ANKRD61: variants seen among roughly 807,000 people sequenced by gnomAD.
The protein encoded by ANKRD61 is ankyrin repeat domain 61, also known as ankyrin repeat domain-containing protein 61.
A neutral mutation model predicts 8.4 loss-of-function variants in ANKRD61; 7 were observed. The ratio of observed to expected loss-of-function variants is 0.84; its 90% confidence interval spans 0.48 to 1.57. The LOEUF (loss-of-function observed/expected upper bound fraction) is 1.57, where lower values mean the gene tolerates loss of function less well. Ranked by LOEUF, ANKRD61 falls within the 40% of genes most tolerant of loss-of-function variation. The pLI, the probability that ANKRD61 is intolerant of heterozygous loss-of-function variation, is 0.00. For missense variants in ANKRD61, 516 were observed against 523.4 expected, an observed-to-expected ratio of 0.99 and a Z score of 0.14; for synonymous variants, 198 against 208.0, an observed-to-expected ratio of 0.95 and a Z score of 0.41.
Position 6,033,093 on chromosome 7 carries a change from C to T in ANKRD61, c.314+157C>T, listed in dbSNP as rs911845903. 2.0e-5 allele frequency among the ~76,000 whole-genome samples: 3 copies of T among 152,120 alleles called. No individual in the cohort carries two copies. The highest frequency in any genetic ancestry group is 2.9e-5 in the Non-Finnish European group (2 of 68,018). Reference sequence around the variant, plus strand: ...AAGAGCTTCTCCCACCTCAGCCTCCCGAGTAGCTGGGATTACAGGTGTGCG... The same window carrying T: ...AAGAGCTTCTCCCACCTCAGCCTCCTGAGTAGCTGGGATTACAGGTGTGCG... On this transcript the variant is annotated intron_variant, in intron 2 of 2. Coordinates refer to ENST00000409061, the MANE Select transcript of ANKRD61 (RefSeq NM_001271700.2). The surrounding 1 kb of genome is among the most constrained non-coding windows in gnomAD (Gnocchi z 4.4).
In ANKRD61 at chr7:6,036,305, C is replaced by G; in HGVS notation, c.1176C>G (p.Tyr392Ter). The change falls in exon 3 of 3, where the codon TAC (tyrosine) becomes TAG (stop). Residue 392 changes from tyrosine (Y) to a stop codon, truncating the protein, a stop_gained. Transcript: ENST00000409061. LOFTEE classifies it low-confidence loss of function (END_TRUNC). This position sits in a 1 kb window ranked among gnomAD's most constrained non-coding sequence, Gnocchi z 4.6. ...TCAGGAATATTTATGGTGAGAAATACAAACAGCACTTGAAGCAATTCCTCC... is the reference window on the plus strand; with the variant it reads ...TCAGGAATATTTATGGTGAGAAATAGAAACAGCACTTGAAGCAATTCCTCC... ...RNIRNIYGEK[Y>*]KQHLKQFLPV... 2.6e-6 allele frequency: 4 copies of G among 1,547,680 alleles called. No individual in the cohort carries two copies. Among genetic ancestry groups the G allele is most frequent in the Non-Finnish European group, 3.5e-6 (4 of 1,146,196 alleles).
chr7:6,035,450 G>T lies in ANKRD61; in HGVS notation c.321G>T (p.Thr107=). 1 of 1,549,972 alleles carries T rather than the reference G, an allele frequency of 6.5e-7. No individual in the cohort carries two copies. Among genetic ancestry groups the T allele is most frequent in the South Asian group, 1.2e-5 (1 of 84,002 alleles). The change falls in exon 3 of 3, where the codon ACG becomes ACT. Residue 107 remains threonine (T), a synonymous_variant. Transcript: ENST00000409061. This position sits in a 1 kb window ranked among gnomAD's most constrained non-coding sequence, Gnocchi z 5.5. ...RHGADPEVRD[T]TGLTTLNLML... ...TAATCAATACCCATTCTAGGGACACGACAGGCCTCACCACACTCAACTTAA... is the reference window on the plus strand; with the variant it reads ...TAATCAATACCCATTCTAGGGACACTACAGGCCTCACCACACTCAACTTAA...
chr7:6,031,530 C>T lies in ANKRD61; in HGVS notation c.155C>T (p.Pro52Leu), dbSNP rs576553747. The T allele has an allele frequency of 6.4e-7, 1 of 1,550,754 alleles. No individual in the cohort carries two copies. The highest frequency in any genetic ancestry group is 1.4e-5 in the African/African-American group (1 of 73,154). ...TTIEVLLRNH[P>L]VNQPITILPN... ...ATCGAGGTACTCCTGAGAAATCACCCTGTCAACCAGCCCATCACCATTCTG... is the reference window on the plus strand; with the variant it reads ...ATCGAGGTACTCCTGAGAAATCACCTTGTCAACCAGCCCATCACCATTCTG... Residue 52 changes from proline to leucine, a missense_variant, in exon 1 of 3, where the codon CCT becomes CTT. By Grantham distance (98) the Pro-to-Leu change is moderately conservative (BLOSUM62 -3). Transcript: ENST00000409061.
At position 6,032,299 on chromosome 7, in the gene ANKRD61, C is replaced by G. The variant is rs1787936284; in HGVS notation, c.217-540C>G. 6.6e-6 allele frequency among the ~76,000 whole-genome samples: 1 copy of G among 152,174 alleles called. No individual in the cohort carries two copies. The highest frequency in any genetic ancestry group is 1.5e-5 in the Non-Finnish European group (1 of 68,044). On this transcript the variant is annotated intron_variant, in intron 1 of 2. Coordinates refer to ENST00000409061, the MANE Select transcript of ANKRD61 (RefSeq NM_001271700.2). The surrounding 1 kb of genome is among the most constrained non-coding windows in gnomAD (Gnocchi z 4.3). ...AAAGGAAGTCACCCTCCCTTGTACC[C>G]TACTGTCTTATCTTGCAGCCACGGT... is the stretch of plus-strand genomic sequence containing the variant.
Position 6,035,914 on chromosome 7 carries a change from G to C in ANKRD61, c.785G>C (p.Arg262Pro). Residue 262 changes from arginine (R) to proline (P), a missense_variant, in exon 3 of 3, where the codon CGT becomes CCT. Transcript: ENST00000409061. This position sits in a 1 kb window ranked among gnomAD's most constrained non-coding sequence, Gnocchi z 5.5. ...CTCGGGGCGGGGGTCAGCTGCATCC[G>C]TCTGCTACTCACTCACGGAGCCAAA... ...RLLGAGVSCI[R>P]LLLTHGAKVN... The C allele has an allele frequency of 1.3e-6, 2 of 1,547,012 alleles. No homozygotes were observed. Among genetic ancestry groups the C allele is most frequent in the East Asian group, 2.4e-5 (1 of 40,864 alleles).
In ANKRD61 at chr7:6,032,769, G is replaced by A. The variant is rs748181404; in HGVS notation, c.217-70G>A. The stretch of plus-strand genomic sequence containing the variant: ...AAATAAATGTATTGCCTTTGAAACG[G>A]CAAGCTAACACAAACAGTATTTTTA... On this transcript the variant is annotated intron_variant, in intron 1 of 2. Transcript: ENST00000409061. This position sits in a 1 kb window ranked among gnomAD's most constrained non-coding sequence, Gnocchi z 4.3. 9.2e-6 allele frequency: 12 copies of A among 1,301,622 alleles called. No homozygotes were observed. Among genetic ancestry groups the A allele is most frequent in the Non-Finnish European group, 1.2e-5 (11 of 930,874 alleles). The allele number at this position is 1,301,622 out of a possible 1,614,324, so 80.6% of individuals were successfully genotyped here. A position where few individuals can be genotyped will look rare whatever the true frequency, so the allele number is the denominator to read the frequency against.
Position 6,035,828 on chromosome 7 carries a change from C to T in ANKRD61, c.699C>T (p.Ser233=). 1.3e-6 allele frequency: 2 copies of T among 1,549,164 alleles called. No homozygotes were observed. The highest frequency in any genetic ancestry group is 1.7e-6 in the Non-Finnish European group (2 of 1,145,770). ...YGANVNCAVS[S]TGNTPLKLAV... ...CAAACGTCAACTGTGCTGTCTCTTCCACGGGGAACACGCCCCTGAAGCTTG... is the reference window on the plus strand; with the variant it reads ...CAAACGTCAACTGTGCTGTCTCTTCTACGGGGAACACGCCCCTGAAGCTTG... Residue 233 remains serine (S), a synonymous_variant, in exon 3 of 3, where the codon TCC becomes TCT. Transcript: ENST00000409061. This position sits in a 1 kb window ranked among gnomAD's most constrained non-coding sequence, Gnocchi z 5.5.
Position 6,035,748 on chromosome 7 carries a change from A to G in ANKRD61, c.619A>G (p.Met207Val), listed in dbSNP as rs1263528332. The G allele has an allele frequency of 6.4e-7, 1 of 1,550,950 alleles. No homozygotes were observed. The highest frequency in any genetic ancestry group is 8.7e-7 in the Non-Finnish European group (1 of 1,147,108). Residue 207 changes from methionine to valine, a missense_variant, in exon 3 of 3, where the codon ATG becomes GTG. Transcript: ENST00000409061. This position sits in a 1 kb window ranked among gnomAD's most constrained non-coding sequence, Gnocchi z 5.5. ...TGAAGCCAGCATGACACCCCTTCAC[A>G]TGGCCGCAAACATGCTGAATAAGGA... ...INEASMTPLHMAANMLNKEMM... is the reference protein window; with the variant it reads ...INEASMTPLHVAANMLNKEMM...
rs1787926427 is a variant in ANKRD61, at chr7:6,032,029, C to G, written c.216+438C>G. Among the ~76,000 whole-genome samples the G allele has an allele frequency of 6.6e-6, 1 of 152,042 alleles. No homozygotes were observed. The highest frequency in any genetic ancestry group is 2.1e-4 in the South Asian group (1 of 4,824). On this transcript the variant is annotated intron_variant, in intron 1 of 2. Transcript: ENST00000409061. This position sits in a 1 kb window ranked among gnomAD's most constrained non-coding sequence, Gnocchi z 4.3. The stretch of plus-strand genomic sequence containing the variant: ...TCTCTACTAAAAATACAAAAATTAG[C>G]CGGGCTTGGTGGCAGGAGCCTGTAA...
Position 6,036,185 on chromosome 7 carries a change from A to G in ANKRD61, c.1056A>G (p.Ala352=), listed in dbSNP as rs1409427220. The change falls in exon 3 of 3, where the codon GCA becomes GCG. Residue 352 remains alanine (A), a synonymous_variant. Transcript: ENST00000409061. The surrounding 1 kb of genome is among the most constrained non-coding windows in gnomAD (Gnocchi z 4.6). ...RMTNNQGILP[A]GIMLPEFRLL... is the part of the protein sequence containing the mutation. ...CCAATAACCAAGGAATTCTACCTGC[A>G]GGAATCATGCTACCAGAATTCCGCC... 5 of 1,549,804 alleles carry G rather than the reference A, an allele frequency of 3.2e-6. No homozygotes were observed. In the South Asian group the frequency reaches 6.0e-5, roughly 18 times the overall value.
chr7:6,035,716 C>CT lies in ANKRD61; in HGVS notation c.588dup (p.Ile197TyrfsTer2). The CT allele has an allele frequency of 6.4e-7, 1 of 1,550,928 alleles. No individual in the cohort carries two copies. The highest frequency in any genetic ancestry group is 8.7e-7 in the Non-Finnish European group (1 of 1,147,078). The stretch of plus-strand genomic sequence containing the variant: ...ACCCAAAATGGTGCCGATGTCAATG[C>CT]TATTAATGAAGCCAGCATGACACCC... On this transcript the variant is annotated frameshift_variant, in exon 3 of 3. Coordinates refer to ENST00000409061, the MANE Select transcript of ANKRD61 (RefSeq NM_001271700.2). LOFTEE classifies it low-confidence loss of function (END_TRUNC). The surrounding 1 kb of genome is among the most constrained non-coding windows in gnomAD (Gnocchi z 5.5).
Position 6,035,295 on chromosome 7 carries a change from CT to C in ANKRD61, c.315-148del. The C allele has an allele frequency of 1.3e-6, 1 of 797,600 alleles. No individual in the cohort carries two copies. The highest frequency in any genetic ancestry group is 1.9e-6 in the Non-Finnish European group (1 of 519,974). The allele number at this position is 797,600 out of a possible 1,614,324, so 49.4% of individuals were successfully genotyped here. ...AAAAACCCTGGGATAGCCTGAGAAACTACCCAGCGATACAGATTTTGAAACA... is the reference window on the plus strand; with the variant it reads ...AAAAACCCTGGGATAGCCTGAGAAACACCCAGCGATACAGATTTTGAAACA... On this transcript the variant is annotated intron_variant, in intron 2 of 2. Coordinates refer to ENST00000409061, the MANE Select transcript of ANKRD61 (RefSeq NM_001271700.2). The surrounding 1 kb of genome is among the most constrained non-coding windows in gnomAD (Gnocchi z 5.5).
rs996554427 is a variant in ANKRD61 at position 6,035,115 on chromosome 7, G to A, written c.315-329G>A. Among the ~76,000 whole-genome samples, 8 of 152,260 alleles carry A rather than the reference G, an allele frequency of 5.3e-5. No individual in the cohort carries two copies. The highest frequency in any genetic ancestry group is 2.0e-4 in the Admixed American group (3 of 15,288). ...AGCCTTGAAGGGACACAGCCCTAGCGGGGACGGCACAGGTAAAACAGGCTG... is the reference window on the plus strand; with the variant it reads ...AGCCTTGAAGGGACACAGCCCTAGCAGGGACGGCACAGGTAAAACAGGCTG... On this transcript the variant is annotated intron_variant, in intron 2 of 2. Coordinates refer to ENST00000409061, the MANE Select transcript of ANKRD61 (RefSeq NM_001271700.2). The surrounding 1 kb of genome is among the most constrained non-coding windows in gnomAD (Gnocchi z 5.5).
In ANKRD61 at chr7:6,035,569, CAT is replaced by C. The variant is rs1343816072; in HGVS notation, c.441_442del (p.Cys148SerfsTer50). ...ACAGACATTCAGAATAGCAGCATCACATGTCTCCGCATCTTGTGTGCGCACGG... is the reference window on the plus strand; with the variant it reads ...ACAGACATTCAGAATAGCAGCATCACGTCTCCGCATCTTGTGTGCGCACGG... On this transcript the variant is annotated frameshift_variant, in exon 3 of 3. Coordinates refer to ENST00000409061, the MANE Select transcript of ANKRD61 (RefSeq NM_001271700.2). LOFTEE classifies it low-confidence loss of function (END_TRUNC). The surrounding 1 kb of genome is among the most constrained non-coding windows in gnomAD (Gnocchi z 5.5). 7.7e-6 allele frequency: 12 copies of C among 1,551,072 alleles called. No individual in the cohort carries two copies. The highest frequency in any genetic ancestry group is 7.3e-5 in the East Asian group (3 of 40,942).
rs1285102274 is a variant in ANKRD61 at position 6,035,798 on chromosome 7, T to C, written c.669T>C (p.Tyr223=). ...NKEMMETLIA[Y]GANVNCAVSS... ...AGATGATGGAAACGCTCATTGCCTA[T>C]GGAGCAAACGTCAACTGTGCTGTCT... The change falls in exon 3 of 3, where the codon TAT becomes TAC. Residue 223 remains tyrosine (Y), a synonymous_variant. Transcript: ENST00000409061. This position sits in a 1 kb window ranked among gnomAD's most constrained non-coding sequence, Gnocchi z 5.5. 6 of 1,550,864 alleles carry C rather than the reference T, an allele frequency of 3.9e-6. No homozygotes were observed. The highest frequency in any genetic ancestry group is 5.2e-6 in the Non-Finnish European group (6 of 1,147,028).
chr7:6,035,920 T>C lies in ANKRD61; in HGVS notation c.791T>C (p.Leu264Pro). The C allele has an allele frequency of 3.2e-6, 5 of 1,547,394 alleles. No individual in the cohort carries two copies. The highest frequency in any genetic ancestry group is 4.4e-6 in the Non-Finnish European group (5 of 1,144,938). Reference protein sequence around the residue: ...LGAGVSCIRLLLTHGAKVNAQ... With the variant: ...LGAGVSCIRLPLTHGAKVNAQ... ...GCGGGGGTCAGCTGCATCCGTCTGCTACTCACTCACGGAGCCAAAGTCAAC... is the reference window on the plus strand; with the variant it reads ...GCGGGGGTCAGCTGCATCCGTCTGCCACTCACTCACGGAGCCAAAGTCAAC... The change falls in exon 3 of 3, where the codon CTA becomes CCA. Residue 264 changes from leucine to proline, a missense_variant. Physicochemically the swap from Leu to Pro is moderately conservative, Grantham distance 98. Transcript: ENST00000409061. This position sits in a 1 kb window ranked among gnomAD's most constrained non-coding sequence, Gnocchi z 5.5.
In ANKRD61 at chr7:6,035,509, G is replaced by C; in HGVS notation, c.380G>C (p.Trp127Ser). The C allele has an allele frequency of 6.4e-7, 1 of 1,551,114 alleles. No individual in the cohort carries two copies. The highest frequency in any genetic ancestry group is 8.7e-7 in the Non-Finnish European group (1 of 1,147,114). The part of the protein sequence containing the change: ...LLHWPVTSTT[W>S]AKPGNRTHRI... ...CACTGGCCAGTCACTTCCACCACGT[G>C]GGCAAAACCAGGCAACAGAACGCAC... is the stretch of plus-strand genomic sequence containing the variant. Residue 127 changes from tryptophan (W) to serine (S), a missense_variant, in exon 3 of 3, where the codon TGG becomes TCG. Physicochemically the swap from Trp to Ser is radical, Grantham distance 177. Coordinates refer to ENST00000409061, the MANE Select transcript of ANKRD61 (RefSeq NM_001271700.2). The surrounding 1 kb of genome is among the most constrained non-coding windows in gnomAD (Gnocchi z 5.5).
At position 6,035,863 on chromosome 7, in the gene ANKRD61, C is replaced by A. The variant is rs1056094282; in HGVS notation, c.734C>A (p.Thr245Asn). 3 of 1,547,606 alleles carry A rather than the reference C, an allele frequency of 1.9e-6. No homozygotes were observed. Among genetic ancestry groups the A allele is most frequent in the East Asian group, 2.4e-5 (1 of 40,864 alleles). ...GNTPLKLAVC[T>N]ASSKAGRLLG... ...ACGCCCCTGAAGCTTGCAGTGTGCA[C>A]TGCATCAAGCAAAGCAGGCCGACTC... Residue 245 changes from threonine (T) to asparagine (N), a missense_variant, in exon 3 of 3, where the codon ACT becomes AAT. By Grantham distance (65) the Thr-to-Asn change is moderately conservative. Coordinates refer to ENST00000409061, the MANE Select transcript of ANKRD61 (RefSeq NM_001271700.2). The surrounding 1 kb of genome is among the most constrained non-coding windows in gnomAD (Gnocchi z 5.5).
rs886611336 is a variant in ANKRD61, at chr7:6,033,263, C to T, written c.314+327C>T. 6.6e-6 allele frequency among the ~76,000 whole-genome samples: 1 copy of T among 152,148 alleles called. No homozygotes were observed. The highest frequency in any genetic ancestry group is 2.4e-5 in the African/African-American group (1 of 41,452). On this transcript the variant is annotated intron_variant, in intron 2 of 2. Coordinates refer to ENST00000409061, the MANE Select transcript of ANKRD61 (RefSeq NM_001271700.2). The surrounding 1 kb of genome is among the most constrained non-coding windows in gnomAD (Gnocchi z 4.4). ...GGATTAACAGCCCTCAGCCACAGCACCCAGCTTCACTGACAATCATTTCTA... is the reference window on the plus strand; with the variant it reads ...GGATTAACAGCCCTCAGCCACAGCATCCAGCTTCACTGACAATCATTTCTA...
Sources: allele counts gnomAD v4.1 joint callset (sites outside exome capture counted in the v4.1 genomes callset), GRCh38; gene constraint gnomAD v4.1.1; non-coding constraint Gnocchi (gnomAD v3.1); transcripts MANE v1.5; gene names NCBI Gene and HGNC (gene_info 2026-07-23, HGNC 2026-07-21).